MAF: variants seen among roughly 807,000 people sequenced by gnomAD.
MAF encodes transcription factor Maf.
In MAF, 10 loss-of-function variants were observed where a neutral mutation model predicts 22.0. The ratio of observed to expected loss-of-function variants is 0.45; its 90% CI spans 0.28 to 0.77. MAF has a LOEUF of 0.77. Among genes scored for constraint, MAF ranks in the 30% least tolerant of loss-of-function variants. The probability of loss-of-function intolerance (pLI) is 0.12; values close to 1 mark genes in which losing one functional copy is unlikely to be tolerated. For missense variants in MAF, 544 were observed against 548.4 expected, an observed-to-expected ratio of 0.99 and a Z score of 0.08; for synonymous variants, 337 against 255.8, an observed-to-expected ratio of 1.32 and a Z score of -3.03.
At chr16:79,378,468 C>A in the MAF span, among the ~76,000 whole-genome samples, 4 of 152,118 alleles carry the variant, frequency 2.6e-5, no homozygotes, top group African/African-American at 9.7e-5. Flanking sequence ...AAGGTGTATT[C>A]ACACTACTAA....
the MAF span, among the ~76,000 whole-genome samples, chr16:79,221,184 G>T: frequency 4.6e-5 from 7 of 152,204 alleles, no homozygotes; most frequent in Non-Finnish European, 8.8e-5. Flanking sequence ...CTAAGACAGA[G>T]CTTGCCCTTA....
the MAF span, among the ~76,000 whole-genome samples, chr16:79,296,777 T>C: frequency 3.3e-5 from 5 of 152,054 alleles, no homozygotes; most frequent in Non-Finnish European, 7.4e-5. Flanking sequence ...TGGGAAACAC[T>C]CTGCCTATTT....
chr16:79,549,876 A>G, the MAF span, among the ~76,000 whole-genome samples: 1 of 152,214 alleles, frequency 6.6e-6, no homozygotes, highest in Non-Finnish European at 1.5e-5. Context: ...AAAGGAAGTC[A>G]AAAAGGATGC....
At chr16:79,502,970 T>G in the MAF span, among the ~76,000 whole-genome samples, 1 of 151,858 alleles carries the variant, frequency 6.6e-6, no homozygotes, top group Admixed American at 6.6e-5. Flanking sequence ...TAATGTGGAT[T>G]AAAAAGCTAT....
intron 1 of MAF, chr16:79,594,914 A>T (rs76707698): frequency 0.035 from 39,539 of 1,144,726 alleles, 865 homozygotes; most frequent in South Asian, 0.094. Flanking sequence ...TACCTTGTAG[A>T]TTCCTATCAA....
intron 1 of MAF, chr16:79,596,887 T>A (rs1423889393): frequency 4.7e-5 from 48 of 1,031,578 alleles, no homozygotes; most frequent in Non-Finnish European, 5.6e-5. Flanking sequence ...AGTTTTGCAA[T>A]TTTTTTTTGT....
At chr16:79,559,760 T>C in the MAF span, among the ~76,000 whole-genome samples, 2 of 152,222 alleles carry the variant, frequency 1.3e-5, no homozygotes, top group African/African-American at 4.8e-5. Flanking sequence ...CTAATTTTTC[T>C]TTCCCTCCTC....
chr16:79,375,119 C>G, the MAF span, among the ~76,000 whole-genome samples: 4 of 152,172 alleles, frequency 2.6e-5, no homozygotes, highest in Non-Finnish European at 5.9e-5. Flanking sequence ...AAATAAATGA[C>G]TACACAAGGT....
chr16:79,486,597 G>T, the MAF span, among the ~76,000 whole-genome samples: 1 of 152,298 alleles, frequency 6.6e-6, no homozygotes, highest in East Asian at 1.9e-4. Flanking sequence ...TTTGGTTATT[G>T]CTCATTCAAC....
At chr16:79,355,717 T>C in the MAF span, among the ~76,000 whole-genome samples, 3 of 152,198 alleles carry the variant, frequency 2.0e-5, no homozygotes, top group African/African-American at 4.8e-5. Flanking sequence ...GAAATTCCCC[T>C]GTGGCAATCC....
chr16:79,362,859 T>C, the MAF span, among the ~76,000 whole-genome samples: 1 of 152,262 alleles, frequency 6.6e-6, no homozygotes, highest in Non-Finnish European at 1.5e-5. Flanking sequence ...AGTAAGAAAG[T>C]GTGCATTTAT....
chr16:79,583,048 G>T (rs903085590), downstream of MAF, among the ~76,000 whole-genome samples: 1 of 152,140 alleles, frequency 6.6e-6, no homozygotes, highest in Non-Finnish European at 1.5e-5. Flanking sequence ...AGGGAAATTT[G>T]GTTATGGCTT....
At chr16:79,580,958 A>C (rs1380272010), downstream of MAF, among the ~76,000 whole-genome samples, 2 of 152,172 alleles carry the variant, frequency 1.3e-5, no homozygotes, top group African/African-American at 4.8e-5. Context: ...AGCAGTTCTT[A>C]GTTTGGGTCA....
At chr16:79,215,262 A>C in the MAF span, among the ~76,000 whole-genome samples, 1 of 151,894 alleles carries the variant, frequency 6.6e-6, no homozygotes, top group East Asian at 1.9e-4. Flanking sequence ...TTTCCTTTTA[A>C]ACAGAGATGG....
At chr16:79,391,430 C>A in the MAF span, among the ~76,000 whole-genome samples, 2 of 152,150 alleles carry the variant, frequency 1.3e-5, no homozygotes, top group African/African-American at 4.8e-5. Context: ...ATTGACTCCA[C>A]GAGAAGTGCC....
At chr16:79,500,406 T>G in the MAF span, among the ~76,000 whole-genome samples, 1 of 152,248 alleles carries the variant, frequency 6.6e-6, no homozygotes, top group South Asian at 2.1e-4. Flanking sequence ...CCTTCCAGCT[T>G]ATAGTAACCT....
At chr16:79,583,420 C>A (rs958929093), downstream of MAF, among the ~76,000 whole-genome samples, 18 of 152,102 alleles carry the variant, frequency 1.2e-4, no homozygotes, top group Non-Finnish European at 2.4e-4. Context: ...ATACCAGTTC[C>A]ATCAGTTTCT....
the MAF span, among the ~76,000 whole-genome samples, chr16:79,544,347 A>G: frequency 3.3e-5 from 5 of 152,336 alleles, no homozygotes; most frequent in South Asian, 1.0e-3. Context: ...TGCATTGCAC[A>G]ACACAGATCT....
chr16:79,480,326 AT>A, the MAF span, among the ~76,000 whole-genome samples: 1,460 of 150,942 alleles, frequency 9.7e-3, 14 homozygotes, highest in Non-Finnish European at 0.015. Flanking sequence ...TTGAAATACA[AT>A]TTTTTTTTTC....
Sources: allele counts gnomAD v4.1 joint callset (sites outside exome capture counted in the v4.1 genomes callset), GRCh38; gene constraint gnomAD v4.1.1; transcripts MANE v1.5; gene names NCBI Gene and HGNC (gene_info 2026-07-23, HGNC 2026-07-21).